MINDY2: variants seen among roughly 807,000 people sequenced by gnomAD.
The protein encoded by MINDY2 is MINDY lysine 48 deubiquitinase 2.
MINDY2 carries 52 observed loss-of-function variants against 68.2 expected under a neutral mutation model. The observed-to-expected ratio is 0.76, with a 90% CI of 0.61 to 0.96. MINDY2 has a LOEUF of 0.96. Ranked by LOEUF, MINDY2 falls within the 40% of genes least tolerant of loss-of-function variation. MINDY2 has a pLI of 0.00. For synonymous variants in MINDY2, 372 were observed against 303.0 expected (o/e 1.23, Z -2.36); for missense variants, 881 against 773.4 (o/e 1.14, Z -1.65).
Position 58,771,653 on chromosome 15 carries a change from C to CT in MINDY2, c.260dup (p.Leu87PhefsTer36). The CT allele has an allele frequency of 6.2e-7, 1 of 1,612,578 alleles. No homozygotes were observed. The highest frequency in any genetic ancestry group is 8.5e-7 in the Non-Finnish European group (1 of 1,179,912). On this transcript the variant is annotated frameshift_variant, in exon 1 of 9. Coordinates refer to ENST00000559228, the MANE Select transcript of MINDY2 (RefSeq NM_001040450.3). LOFTEE classifies it high-confidence loss of function. The stretch of plus-strand genomic sequence containing the variant: ...CCTGCAGCTCCTCCGCGGGTTTGGA[C>CT]TTGAAGGACAGTGGTTTGGAGAGTC...
intron 2 of MINDY2, among the ~76,000 whole-genome samples, chr15:58,789,781 G>A (rs1014622911): frequency 3.3e-5 from 5 of 152,134 alleles, no homozygotes; most frequent in Non-Finnish European, 1.5e-5. Flanking sequence ...CCGAGTAGCT[G>A]GGATTACAGG....
At chr15:58,803,945 GAA>G (rs34082956) in intron 3 of MINDY2, among the ~76,000 whole-genome samples, 3,684 of 77,130 alleles carry the variant, frequency 0.048, 37 homozygotes, top group African/African-American at 0.076. Context: ...CAGCTCTACT[GAA>G]AAAAAAAAAA....
At chr15:58,773,984 C>G (rs558553819) in intron 1 of MINDY2, among the ~76,000 whole-genome samples, 5 of 152,230 alleles carry the variant, frequency 3.3e-5, no homozygotes, top group East Asian at 3.9e-4. Flanking sequence ...GGCCAGAGTC[C>G]CTAATCTTTT....
chr15:58,830,268 G>T (rs1364981890), intron 5 of MINDY2, among the ~76,000 whole-genome samples: 1 of 152,144 alleles, frequency 6.6e-6, no homozygotes, highest in Non-Finnish European at 1.5e-5. Context: ...CAGCTGATCA[G>T]TACATAAACT....
chr15:58,844,289 T>A (rs2032418929), intron 6 of MINDY2, among the ~76,000 whole-genome samples: 1 of 152,180 alleles, frequency 6.6e-6, no homozygotes, highest in Admixed American at 6.5e-5. Flanking sequence ...GGCTCACGCC[T>A]GTAATCCCAG....
intron 5 of MINDY2, among the ~76,000 whole-genome samples, chr15:58,826,086 TTTC>T (rs2031375635): frequency 2.6e-5 from 4 of 152,014 alleles, no homozygotes; most frequent in Non-Finnish European, 5.9e-5. Flanking sequence ...TTTCTTTTTC[TTTC>T]TTCAACTTTT....
intron 4 of MINDY2, among the ~76,000 whole-genome samples, chr15:58,820,271 A>G (rs34362744): frequency 0.26 from 38,566 of 151,084 alleles, 5,364 homozygotes; most frequent in East Asian, 0.61. Context: ...TCTCAAAACA[A>G]ACAAACAAAC....
intron 3 of MINDY2, among the ~76,000 whole-genome samples, chr15:58,808,108 G>C (rs1167470913): frequency 1.3e-5 from 2 of 151,512 alleles, no homozygotes; most frequent in African/African-American, 4.9e-5. Context: ...GGAAAGTCCT[G>C]AGGCTTTCTA....
intron 1 of MINDY2, among the ~76,000 whole-genome samples, chr15:58,786,786 A>G (rs1168047476): frequency 6.6e-6 from 1 of 152,100 alleles, no homozygotes; most frequent in Non-Finnish European, 1.5e-5. Context: ...ACCACTGGGG[A>G]TAACCATAAT....
At chr15:58,847,748 G>C (rs768756578) in intron 7 of MINDY2, among the ~76,000 whole-genome samples, 1 of 152,208 alleles carries the variant, frequency 6.6e-6, no homozygotes, top group Non-Finnish European at 1.5e-5. Context: ...AAACACAGAA[G>C]TGATGGGATC....
intron 1 of MINDY2, among the ~76,000 whole-genome samples, chr15:58,774,492 G>GAAAAAAA (rs11385535): frequency 5.4e-5 from 5 of 92,828 alleles, no homozygotes; most frequent in African/African-American, 7.1e-5. Flanking sequence ...CCCAAAAAAA[G>GAAAAAAA]AAAAAAAAAA....
chr15:58,772,948 C>G (rs1272372098), intron 1 of MINDY2, among the ~76,000 whole-genome samples: 1 of 152,050 alleles, frequency 6.6e-6, no homozygotes, highest in Admixed American at 6.6e-5. Flanking sequence ...AAAGGTATGT[C>G]TAAGGTGAAG....
intron 7 of MINDY2, 75 bp from the exon 8 acceptor site, chr15:58,851,696 T>G: frequency 2.7e-6 from 3 of 1,114,236 alleles, no homozygotes; most frequent in Non-Finnish European, 3.8e-6. Context: ...TTTATAGATA[T>G]AACGTTTGTA....
intron 2 of MINDY2, among the ~76,000 whole-genome samples, chr15:58,797,833 G>A (rs1273934349): frequency 6.6e-6 from 1 of 152,154 alleles, no homozygotes; most frequent in East Asian, 1.9e-4. Context: ...AGTTGTGGTG[G>A]CAGAGAACCG....
intron 1 of MINDY2, among the ~76,000 whole-genome samples, chr15:58,782,653 G>A (rs1470740092): frequency 1.3e-5 from 2 of 152,232 alleles, no homozygotes; most frequent in Non-Finnish European, 2.9e-5. Flanking sequence ...AGTGGAAAGT[G>A]TTCTGCTGTT....
intron 4 of MINDY2, among the ~76,000 whole-genome samples, chr15:58,816,187 C>A (rs527619544): frequency 3.3e-5 from 5 of 152,162 alleles, no homozygotes; most frequent in African/African-American, 1.2e-4. Flanking sequence ...TTTTTCATCT[C>A]TGTCCATTGG....
At chr15:58,804,168 A>G (rs1902865804) in intron 3 of MINDY2, among the ~76,000 whole-genome samples, 1 of 151,926 alleles carries the variant, frequency 6.6e-6, no homozygotes, top group Admixed American at 6.6e-5. Flanking sequence ...CTAAAGCCAG[A>G]TTTGTATTCT....
rs1350160051 is a variant in MINDY2, at chr15:58,861,587, A to C, written c.*6977A>C. 6.6e-6 allele frequency: 1 copy of C among 152,256 alleles called. No homozygotes were observed. The highest frequency in any genetic ancestry group is 1.5e-5 in the Non-Finnish European group (1 of 68,036). The allele number at this position is 152,256 out of a possible 1,614,324, so 9.4% of individuals were successfully genotyped here. On this transcript the variant is annotated 3_prime_UTR_variant, in exon 9 of 9. Transcript: ENST00000559228. Reference sequence around the variant, plus strand: ...AATTTCTGTGAAATAAATTTGTTTTAAATACTAATTATTTTAAAACTACTT... The same window carrying C: ...AATTTCTGTGAAATAAATTTGTTTTCAATACTAATTATTTTAAAACTACTT...
chr15:58,794,048 G>A (rs1184700270), intron 2 of MINDY2, among the ~76,000 whole-genome samples: 1 of 152,108 alleles, frequency 6.6e-6, no homozygotes, highest in East Asian at 1.9e-4. Context: ...CCTGATGAGC[G>A]TGTTGACGAA....
Sources: allele counts gnomAD v4.1 joint callset (sites outside exome capture counted in the v4.1 genomes callset), GRCh38; gene constraint gnomAD v4.1.1; transcripts MANE v1.5; gene names NCBI Gene and HGNC (gene_info 2026-07-23, HGNC 2026-07-21).